The following DLGAP2 variants were observed in gnomAD, a reference collection of about 807,000 sequenced individuals.
DLGAP2 encodes disks large-associated protein 2.
Under a neutral mutation model 100.3 loss-of-function variants are expected in DLGAP2, and 26 were observed. That is an observed-to-expected ratio of 0.26 (90% CI 0.19 to 0.36). DLGAP2 has a LOEUF of 0.36. Among genes scored for constraint, DLGAP2 ranks in the 10% least tolerant of loss-of-function variants. DLGAP2 has a pLI of 1.00. For missense variants in DLGAP2, 1,858 were observed against 1,453.2 expected, an observed-to-expected ratio of 1.28 and a Z score of -4.53; for synonymous variants, 886 against 630.1, an observed-to-expected ratio of 1.41 and a Z score of -6.08.
chr8:1,095,504 C>T (rs1275504597), intron 2 of DLGAP2, among the ~76,000 whole-genome samples: 1 of 152,186 alleles, frequency 6.6e-6, no homozygotes, highest in Non-Finnish European at 1.5e-5. Context: ...GAGTCTACTT[C>T]CTGGTGACCT....
chr8:1,413,638 G>A (rs1476007412), intron 3 of DLGAP2, among the ~76,000 whole-genome samples: 2 of 152,208 alleles, frequency 1.3e-5, no homozygotes, highest in African/African-American at 4.8e-5. Context: ...TAATATGAAA[G>A]GGAATGAAAA....
chr8:900,165 G>T (rs1385145833), intron 1 of DLGAP2, among the ~76,000 whole-genome samples: 2 of 150,206 alleles, frequency 1.3e-5, no homozygotes, highest in Non-Finnish European at 3.0e-5. Context: ...TCACGGCGTC[G>T]CTCCCGGGCA....
intron 6 of DLGAP2, chr8:1,621,111 T>G (rs1797319946): frequency 6.6e-6 from 1 of 152,266 alleles, no homozygotes; most frequent in South Asian, 2.1e-4. Flanking sequence ...AGGCCTTTCT[T>G]GCACTTCCAA....
At chr8:942,287 G>T (rs965840703) in intron 2 of DLGAP2, among the ~76,000 whole-genome samples, 1 of 152,226 alleles carries the variant, frequency 6.6e-6, no homozygotes, top group Admixed American at 6.5e-5. Flanking sequence ...GCTGCCGCCT[G>T]TGTAACCTGA....
At chr8:885,572 A>G (rs79978058) in intron 1 of DLGAP2, among the ~76,000 whole-genome samples, 2 of 152,154 alleles carry the variant, frequency 1.3e-5, no homozygotes, top group Non-Finnish European at 2.9e-5. Flanking sequence ...CTGCAAACAG[A>G]GATAACTTGA....
chr8:1,012,885 C>T (rs1027205883), intron 2 of DLGAP2, among the ~76,000 whole-genome samples: 4 of 152,106 alleles, frequency 2.6e-5, no homozygotes, highest in African/African-American at 9.7e-5. Flanking sequence ...ACCACTGTCC[C>T]ATGAGTATGT....
intron 8 of DLGAP2, among the ~76,000 whole-genome samples, chr8:1,663,693 C>T (rs1173692020): frequency 1.3e-5 from 2 of 152,120 alleles, no homozygotes; most frequent in African/African-American, 4.8e-5. Context: ...TGTGACTTGC[C>T]TGTGAGTCTG....
chr8:882,379 G>A (rs1212221202), intron 1 of DLGAP2, among the ~76,000 whole-genome samples: 1 of 148,460 alleles, frequency 6.7e-6, no homozygotes, highest in Non-Finnish European at 1.5e-5. Context: ...ACCCTCGCCT[G>A]ATCCAGCGGT....
In DLGAP2 at chr8:849,348, G is replaced by T. The variant is rs1241040176; in HGVS notation, c.19-58564G>T. On this transcript the variant is annotated intron_variant, in intron 1 of 14. Coordinates refer to ENST00000637795, the MANE Select transcript of DLGAP2 (RefSeq NM_001346810.2). Reference sequence around the variant, plus strand: ...AGCCGGTGTTTCTATGGATTCATTTGCTGAAAGCACTGGAGCTGTTTCCAG... The same window carrying T: ...AGCCGGTGTTTCTATGGATTCATTTTCTGAAAGCACTGGAGCTGTTTCCAG... 3.3e-5 allele frequency among the ~76,000 whole-genome samples: 5 copies of T among 152,242 alleles called. No individual in the cohort carries two copies. In the South Asian group the frequency reaches 1.0e-3, roughly 32 times the overall value.
At chr8:1,327,346 A>G (rs1183588089) in intron 3 of DLGAP2, among the ~76,000 whole-genome samples, 3 of 152,206 alleles carry the variant, frequency 2.0e-5, no homozygotes, top group African/African-American at 7.2e-5. Context: ...AGTGGGTTTC[A>G]TGTAAAAGGT....
intron 1 of DLGAP2, among the ~76,000 whole-genome samples, chr8:785,025 G>T (rs1821799791): frequency 1.3e-5 from 2 of 151,886 alleles, no homozygotes; most frequent in South Asian, 4.1e-4. Context: ...GGCTAACATG[G>T]TGAAACCCCC....
intron 6 of DLGAP2, among the ~76,000 whole-genome samples, chr8:1,601,390 G>A (rs569873755): frequency 7.5e-4 from 114 of 152,338 alleles, no homozygotes; most frequent in Admixed American, 2.1e-3. Context: ...CCTTAGCAGA[G>A]CTCGAGCGCT....
At chr8:1,206,965 G>T (rs942826351) in intron 2 of DLGAP2, among the ~76,000 whole-genome samples, 2 of 152,088 alleles carry the variant, frequency 1.3e-5, no homozygotes, top group Non-Finnish European at 2.9e-5. Flanking sequence ...CACCGTCTCG[G>T]TGAAACTTCC....
At chr8:1,466,564 A>G (rs1296963531) in intron 3 of DLGAP2, among the ~76,000 whole-genome samples, 1 of 151,886 alleles carries the variant, frequency 6.6e-6, no homozygotes, top group Non-Finnish European at 1.5e-5. Context: ...TGTCTGGCCC[A>G]TATGTGATAA....
intron 3 of DLGAP2, among the ~76,000 whole-genome samples, chr8:1,332,430 T>C (rs533990047): frequency 3.8e-4 from 58 of 152,226 alleles, no homozygotes; most frequent in African/African-American, 1.2e-3. Flanking sequence ...TGTCAGTGTA[T>C]ATATGTCTGT....
intron 3 of DLGAP2, among the ~76,000 whole-genome samples, chr8:1,452,029 C>G (rs139744368): frequency 9.8e-5 from 15 of 152,390 alleles, no homozygotes; most frequent in African/African-American, 3.4e-4. Flanking sequence ...GATGTCCCAT[C>G]CTGGGCAGCA....
rs118119686 is a variant in DLGAP2, at chr8:1,702,143, C to A, written c.*737C>A. 6.6e-6 allele frequency: 1 copy of A among 152,196 alleles called. No individual in the cohort carries two copies. Among genetic ancestry groups the A allele is most frequent in the Non-Finnish European group, 1.5e-5 (1 of 68,048 alleles). The allele number at this position is 152,196 out of a possible 1,614,324, so 9.4% of individuals were successfully genotyped here. A position where few individuals can be genotyped will look rare whatever the true frequency, so the allele number is the denominator to read the frequency against. ...GCTGAGTGTTCCCACCAGGAAGTCA[C>A]GCGCAGAGAGGAGAGTCTTACGGAG... is the stretch of plus-strand genomic sequence containing the variant. On this transcript the variant is annotated 3_prime_UTR_variant, in exon 15 of 15. Coordinates refer to ENST00000637795, the MANE Select transcript of DLGAP2 (RefSeq NM_001346810.2).
chr8:755,972 C>T (rs1820909113), intron 1 of DLGAP2, among the ~76,000 whole-genome samples: 1 of 152,152 alleles, frequency 6.6e-6, no homozygotes, highest in Non-Finnish European at 1.5e-5. Flanking sequence ...CATCCTAGTG[C>T]TTACCTGAGG....
intron 2 of DLGAP2, among the ~76,000 whole-genome samples, chr8:1,056,865 G>A (rs1414212200): frequency 6.6e-6 from 1 of 152,230 alleles, no homozygotes; most frequent in African/African-American, 2.4e-5. Flanking sequence ...GTACCTGGTA[G>A]GTAACTTAGT....
Sources: gnomAD v4.1 joint callset for allele counts (sites outside exome capture counted in the v4.1 genomes callset) on GRCh38, gnomAD v4.1.1 for gene constraint, MANE v1.5 for transcripts, NCBI Gene and HGNC (gene_info 2026-07-23, HGNC 2026-07-21) for gene names.